Variants in PTPRD observed in about 807,000 individuals in gnomAD.
PTPRD encodes receptor-type tyrosine-protein phosphatase delta.
PTPRD carries 34 observed loss-of-function variants against 214.5 expected under a neutral mutation model. The ratio of observed to expected loss-of-function variants is 0.16; its 90% CI spans 0.12 to 0.21. PTPRD has a LOEUF of 0.21. Ranked by LOEUF, PTPRD falls within the 10% of genes least tolerant of loss-of-function variation. The probability of loss-of-function intolerance (pLI) is 1.00; values close to 1 mark genes in which losing one functional copy is unlikely to be tolerated. For synonymous variants in PTPRD, 1,128 were observed against 845.7 expected (o/e 1.33, Z -5.79); for missense variants, 2,545 against 2,398.7 (o/e 1.06, Z -1.27).
rs560256964 is a variant in PTPRD, at chr9:10,564,861, T to C, written c.-600+47537A>G. On this transcript the variant is annotated intron_variant, in intron 2 of 45. Coordinates refer to ENST00000381196, the MANE Select transcript of PTPRD (RefSeq NM_002839.4). Reference sequence around the variant, plus strand: ...TTCTTTTTCATTTTATTTTTGGATATAGTCCTGAGAAAGTTTTACATGCTA... The same window carrying C: ...TTCTTTTTCATTTTATTTTTGGATACAGTCCTGAGAAAGTTTTACATGCTA... Among the ~76,000 whole-genome samples the C allele has an allele frequency of 4.6e-5, 7 of 152,192 alleles. No homozygotes were observed. In the East Asian group the frequency reaches 1.3e-3, roughly 29 times the overall value.
Position 9,082,230 on chromosome 9 carries a change from C to G in PTPRD, c.-142-63495G>C, listed in dbSNP as rs569685168. Among the ~76,000 whole-genome samples the G allele has an allele frequency of 3.3e-3, 498 of 152,206 alleles. 3 individuals are homozygous for G. Among genetic ancestry groups the G allele is most frequent in the South Asian group, 8.3e-3 (40 of 4,824 alleles). ...TCAATAAAATACTGGCAAACCGAAT[C>G]CAGCAGCACATCAAAAAGCTTATCC... On this transcript the variant is annotated intron_variant, in intron 10 of 45. Coordinates refer to ENST00000381196, the MANE Select transcript of PTPRD (RefSeq NM_002839.4).
chr9:8,589,855 C>T (rs1013356830), intron 14 of PTPRD, among the ~76,000 whole-genome samples: 1 of 152,130 alleles, frequency 6.6e-6, no homozygotes, highest in African/African-American at 2.4e-5. Context: ...CTGCTGAAGT[C>T]TCACAGTGGC....
chr9:10,008,247 A>G (rs2096529078), intron 4 of PTPRD, among the ~76,000 whole-genome samples: 1 of 151,890 alleles, frequency 6.6e-6, no homozygotes, highest in Non-Finnish European at 1.5e-5. Flanking sequence ...CCTCCCTGTC[A>G]GTAGACTTTC....
At chr9:10,154,024 G>T (rs977233313) in intron 3 of PTPRD, among the ~76,000 whole-genome samples, 3 of 151,938 alleles carry the variant, frequency 2.0e-5, no homozygotes, top group African/African-American at 7.2e-5. Flanking sequence ...TGGGTGGAAT[G>T]GTAGTTCTGT....
chr9:10,310,170 C>T (rs1252784804), intron 3 of PTPRD, among the ~76,000 whole-genome samples: 2 of 151,900 alleles, frequency 1.3e-5, no homozygotes, highest in African/African-American at 4.8e-5. Flanking sequence ...GCAATAAAAT[C>T]CATGTCCAAC....
intron 4 of PTPRD, among the ~76,000 whole-genome samples, chr9:9,963,025 A>T (rs1271272101): frequency 6.6e-6 from 1 of 152,062 alleles, no homozygotes; most frequent in Non-Finnish European, 1.5e-5. Context: ...AAGTAAAAGT[A>T]GTATTTAAAG....
chr9:9,510,622 C>A (rs1052464674), intron 8 of PTPRD, among the ~76,000 whole-genome samples: 7 of 151,240 alleles, frequency 4.6e-5, no homozygotes, highest in Non-Finnish European at 5.9e-5. Flanking sequence ...TTACTACCAG[C>A]CATTAAGAAA....
At chr9:9,954,960 A>G (rs561667790) in intron 4 of PTPRD, among the ~76,000 whole-genome samples, 3 of 152,336 alleles carry the variant, frequency 2.0e-5, no homozygotes, top group East Asian at 3.9e-4. Flanking sequence ...TAAAGATACC[A>G]TTTCAGCTCA....
chr9:9,796,667 G>T (rs796687098), intron 5 of PTPRD, among the ~76,000 whole-genome samples: 1 of 152,134 alleles, frequency 6.6e-6, no homozygotes, highest in Non-Finnish European at 1.5e-5. Context: ...ATTCAAAAAG[G>T]TAGGCAAGAA....
chr9:8,750,039 T>C (rs577883098), intron 11 of PTPRD, among the ~76,000 whole-genome samples: 3 of 145,988 alleles, frequency 2.1e-5, no homozygotes, highest in African/African-American at 5.1e-5. Context: ...GAGGCGGAGG[T>C]TGCAGTGAGC....
intron 11 of PTPRD, among the ~76,000 whole-genome samples, chr9:8,849,171 ATTTTTTT>A (rs746565485): frequency 5.5e-5 from 6 of 108,732 alleles, no homozygotes; most frequent in African/African-American, 1.9e-4. Context: ...TCAAAAAAAA[ATTTTTTT>A]TTTTTTTTTT....
chr9:9,812,673 A>G (rs190001840), intron 5 of PTPRD, among the ~76,000 whole-genome samples: 2 of 152,320 alleles, frequency 1.3e-5, no homozygotes, highest in Admixed American at 1.3e-4. Context: ...TAAAGAAAAT[A>G]TAAACAGGAC....
At chr9:8,817,792 G>GT (rs2096952543) in intron 11 of PTPRD, among the ~76,000 whole-genome samples, 1 of 152,164 alleles carries the variant, frequency 6.6e-6, no homozygotes, top group African/African-American at 2.4e-5. Flanking sequence ...TTTCAAGTAG[G>GT]TTTCTTCTTC....
At chr9:8,721,658 T>C (rs1488371091) in intron 12 of PTPRD, among the ~76,000 whole-genome samples, 5 of 152,220 alleles carry the variant, frequency 3.3e-5, no homozygotes, top group African/African-American at 1.2e-4. Context: ...TTGCTTAACC[T>C]GCTTTTGTCT....
At chr9:9,622,435 C>A (rs1048591492) in intron 7 of PTPRD, among the ~76,000 whole-genome samples, 1 of 152,056 alleles carries the variant, frequency 6.6e-6, no homozygotes, top group African/African-American at 2.4e-5. Context: ...GTTTCTTTTT[C>A]TTATTATTTT....
intron 4 of PTPRD, among the ~76,000 whole-genome samples, chr9:10,020,474 T>TG (rs1402536044): frequency 4.9e-5 from 4 of 81,560 alleles, no homozygotes; most frequent in South Asian, 1.3e-3. Context: ...AGCTAATTTT[T>TG]GTTTTTTTAG....
intron 8 of PTPRD, among the ~76,000 whole-genome samples, chr9:9,507,159 T>C (rs903521503): frequency 2.0e-5 from 3 of 151,382 alleles, no homozygotes; most frequent in Non-Finnish European, 4.4e-5. Flanking sequence ...AGAGAATGAT[T>C]CTAATATAAA....
At chr9:9,105,983 G>A (rs2099797947) in intron 10 of PTPRD, among the ~76,000 whole-genome samples, 2 of 152,020 alleles carry the variant, frequency 1.3e-5, no homozygotes, top group African/African-American at 4.8e-5. Flanking sequence ...AGACCTGCAG[G>A]GTCTTAGAGT....
chr9:10,125,260 A>G (rs2098806982), intron 3 of PTPRD, among the ~76,000 whole-genome samples: 1 of 151,970 alleles, frequency 6.6e-6, no homozygotes, highest in Admixed American at 6.6e-5. Flanking sequence ...TGTTTTCTCT[A>G]TCCACATTAT....
Sources: allele counts gnomAD v4.1 joint callset (sites outside exome capture counted in the v4.1 genomes callset), GRCh38; gene constraint gnomAD v4.1.1; transcripts MANE v1.5; gene names NCBI Gene and HGNC (gene_info 2026-07-23, HGNC 2026-07-21).